DOK6: variants seen among roughly 807,000 people sequenced by gnomAD.
DOK6 encodes downstream of tyrosine kinase 6.
DOK6 carries 22 observed loss-of-function variants against 44.0 expected under a neutral mutation model. That is an observed-to-expected ratio of 0.50 (90% CI 0.36 to 0.71). The LOEUF is 0.71. Among genes scored for constraint, DOK6 ranks in the 30% least tolerant of loss-of-function variants. The pLI is 0.00. For missense variants in DOK6, 340 were observed against 416.4 expected (o/e 0.82, Z 1.60); for synonymous variants, 166 against 145.5 (o/e 1.14, Z -1.01).
chr18:69,503,243 A>G (rs1981093921), intron 1 of DOK6, among the ~76,000 whole-genome samples: 1 of 152,118 alleles, frequency 6.6e-6, no homozygotes. Flanking sequence ...CTTAAAGCAG[A>G]GATAATTATC....
intron 1 of DOK6, among the ~76,000 whole-genome samples, chr18:69,463,211 T>C (rs1906438390): frequency 6.6e-6 from 1 of 152,126 alleles, no homozygotes; most frequent in Non-Finnish European, 1.5e-5. Flanking sequence ...GCCTCTCCTA[T>C]AAGGGCACCA....
intron 3 of DOK6, among the ~76,000 whole-genome samples, chr18:69,654,872 C>T (rs929164658): frequency 1.3e-5 from 2 of 152,106 alleles, no homozygotes; most frequent in Non-Finnish European, 2.9e-5. Context: ...GTCTGAGCAA[C>T]ATGGCAAAGC....
At chr18:69,713,731 CA>C (rs1206315830) in intron 5 of DOK6, among the ~76,000 whole-genome samples, 2 of 152,188 alleles carry the variant, frequency 1.3e-5, no homozygotes, top group African/African-American at 4.8e-5. Flanking sequence ...TTATCTTACT[CA>C]AAGGGGTGCT....
intron 1 of DOK6, among the ~76,000 whole-genome samples, chr18:69,432,279 C>T (rs1010954902): frequency 1.5e-4 from 23 of 152,130 alleles, no homozygotes; most frequent in African/African-American, 5.5e-4. Flanking sequence ...CCTGTCTCTA[C>T]AAAAAATTAA....
In DOK6 at chr18:69,421,551, C is replaced by T. The variant is rs538865854; in HGVS notation, c.66+20241C>T. 1.1e-3 allele frequency among the ~76,000 whole-genome samples: 163 copies of T among 152,228 alleles called. 1 individual carries two copies. The highest frequency in any genetic ancestry group is 3.7e-3 in the African/African-American group (153 of 41,556). On this transcript the variant is annotated intron_variant, in intron 1 of 7. Transcript: ENST00000382713. ...TGCCAGGTGCATGGTAAGCCCTATA[C>T]CATTTTACCTATTGATATTGGTATT...
chr18:69,532,498 G>C (rs900758197), intron 1 of DOK6, among the ~76,000 whole-genome samples: 4 of 152,174 alleles, frequency 2.6e-5, no homozygotes, highest in Non-Finnish European at 4.4e-5. Context: ...GAACAAGTTA[G>C]GTAATGGTTT....
rs189869857 is a variant in DOK6, at chr18:69,835,065, C to A, written c.857-6179C>A. ...CGCAAGAACAGCATGGGGGAACCAA[C>A]CCCATAATCCAGTCACCTCCCGTCA... On this transcript the variant is annotated intron_variant, in intron 7 of 7. Coordinates refer to ENST00000382713, the MANE Select transcript of DOK6 (RefSeq NM_152721.6). 2.3e-3 allele frequency among the ~76,000 whole-genome samples: 356 copies of A among 152,316 alleles called. 3 individuals are homozygous for A. The highest frequency in any genetic ancestry group is 8.1e-3 in the African/African-American group (336 of 41,570).
At chr18:69,565,105 G>A (rs896988199) in intron 2 of DOK6, among the ~76,000 whole-genome samples, 1 of 152,208 alleles carries the variant, frequency 6.6e-6, no homozygotes, top group East Asian at 1.9e-4. Flanking sequence ...AGAATTAAAA[G>A]AATGTAAAAT....
At chr18:69,516,750 A>G (rs1981535288) in intron 1 of DOK6, among the ~76,000 whole-genome samples, 1 of 151,252 alleles carries the variant, frequency 6.6e-6, no homozygotes, top group Admixed American at 6.6e-5. Context: ...ATCTTGGCTC[A>G]TTGCAACCTC....
intron 1 of DOK6, among the ~76,000 whole-genome samples, chr18:69,508,012 A>C (rs1981245084): frequency 6.6e-6 from 1 of 152,138 alleles, no homozygotes; most frequent in Admixed American, 6.5e-5. Context: ...TTTTTTATAG[A>C]GGCTATATGT....
At chr18:69,407,647 A>G (rs1916231555) in intron 1 of DOK6, among the ~76,000 whole-genome samples, 1 of 152,232 alleles carries the variant, frequency 6.6e-6, no homozygotes, top group Non-Finnish European at 1.5e-5. Flanking sequence ...CAATGAGAAT[A>G]TTGCACCTGT....
chr18:69,612,043 T>G (rs1984154489), intron 3 of DOK6, among the ~76,000 whole-genome samples: 2 of 152,168 alleles, frequency 1.3e-5, no homozygotes, highest in South Asian at 2.1e-4. Flanking sequence ...CATATTATAC[T>G]GCTCTTTTGC....
Position 69,480,651 on chromosome 18 carries a change from G to A in DOK6, c.66+79341G>A, listed in dbSNP as rs573893579. On this transcript the variant is annotated intron_variant, in intron 1 of 7. Transcript: ENST00000382713. ...CAAGGATATTGTGTAATCCCTCTGC[G>A]TTCTGCTTTTTGAAGGCGTCTTGGT... Among the ~76,000 whole-genome samples the A allele has an allele frequency of 3.9e-5, 6 of 152,130 alleles. No individual in the cohort carries two copies. The East Asian group carries it at 7.7e-4, about 20-fold the overall frequency.
At chr18:69,416,066 AAGGAAGGAAAGG>A (rs201017286) in intron 1 of DOK6, among the ~76,000 whole-genome samples, 3,468 of 148,972 alleles carry the variant, frequency 0.023, 46 homozygotes, top group Non-Finnish European at 0.036. Flanking sequence ...TTTTGGAAGG[AAGGAAGGAAAGG>A]AGGGAGGAAG....
At chr18:69,825,058 G>A (rs565143766) in intron 7 of DOK6, among the ~76,000 whole-genome samples, 86 of 152,242 alleles carry the variant, frequency 5.6e-4, no homozygotes, top group African/African-American at 2.0e-3. Context: ...ATAATGTAGA[G>A]AGAGAACATA....
At chr18:69,710,582 A>T (rs1337957740) in intron 5 of DOK6, among the ~76,000 whole-genome samples, 1 of 152,202 alleles carries the variant, frequency 6.6e-6, no homozygotes, top group Non-Finnish European at 1.5e-5. Flanking sequence ...ATGGGAAAAC[A>T]TATTATCTTT....
rs199645311 is a variant in DOK6 at position 69,472,739 on chromosome 18, G to GAC, written c.66+71444_66+71445dup. 9.6e-4 allele frequency among the ~76,000 whole-genome samples: 145 copies of GAC among 151,148 alleles called. 1 individual carries two copies. The East Asian group carries it at 0.013, about 14-fold the overall frequency. ...ACATACACACATACACGCACAGATA[G>GAC]ACACACACACACACACGGGATCTCA... On this transcript the variant is annotated intron_variant, in intron 1 of 7. Transcript: ENST00000382713.
chr18:69,691,884 T>G (rs1016321614), intron 4 of DOK6, among the ~76,000 whole-genome samples: 1 of 152,146 alleles, frequency 6.6e-6, no homozygotes, highest in African/African-American at 2.4e-5. Flanking sequence ...GCAGGGGAGA[T>G]ATCTGAGGTG....
intron 3 of DOK6, among the ~76,000 whole-genome samples, chr18:69,618,993 C>A (rs1456878081): frequency 1.3e-5 from 2 of 151,862 alleles, no homozygotes; most frequent in African/African-American, 2.4e-5. Flanking sequence ...ACACAAAATG[C>A]CTAAAAACAA....
Sources: gnomAD v4.1 joint callset for allele counts (sites outside exome capture counted in the v4.1 genomes callset) on GRCh38, gnomAD v4.1.1 for gene constraint, MANE v1.5 for transcripts, NCBI Gene and HGNC (gene_info 2026-07-23, HGNC 2026-07-21) for gene names.